Variants in APC observed in about 807,000 individuals in gnomAD.
The protein encoded by APC is adenomatous polyposis coli protein.
APC carries 72 observed loss-of-function variants against 247.0 expected under a neutral mutation model. The observed-to-expected ratio is 0.29, with a 90% CI of 0.24 to 0.35. The LOEUF (loss-of-function observed/expected upper bound fraction) is 0.35, where lower values mean the gene tolerates loss of function less well. APC is among the 10% of genes least tolerant of loss of function. The pLI, the probability that APC is intolerant of heterozygous loss-of-function variation, is 1.00. For missense variants in APC, 3,400 were observed against 3,360.7 expected (o/e 1.01, Z -0.29); for synonymous variants, 1,254 against 1,162.5 (o/e 1.08, Z -1.60).
At chr5:112,811,936 T>A (rs1762020475) in intron 8 of APC, among the ~76,000 whole-genome samples, 1 of 152,096 alleles carries the variant, frequency 6.6e-6, no homozygotes, top group Non-Finnish European at 1.5e-5. Flanking sequence ...CAGGGGAGGA[T>A]CTGCTTCTAA....
At chr5:112,717,352 ATTG>A (rs781729593) in intron 1 of APC, among the ~76,000 whole-genome samples, 2 of 151,780 alleles carry the variant, frequency 1.3e-5, no homozygotes, top group South Asian at 2.1e-4. Flanking sequence ...CTTCCTCATT[ATTG>A]TTGTTGTTAC....
intron 14 of APC, among the ~76,000 whole-genome samples, chr5:112,832,021 G>A (rs925968239): frequency 3.2e-4 from 48 of 152,118 alleles, no homozygotes; most frequent in African/African-American, 1.1e-3. Flanking sequence ...CTTGATCATA[G>A]AATCTAGATT....
intron 1 of APC, among the ~76,000 whole-genome samples, chr5:112,722,819 C>T (rs960138368): frequency 1.3e-5 from 2 of 152,124 alleles, no homozygotes; most frequent in African/African-American, 4.8e-5. Flanking sequence ...GGAACCTCCA[C>T]GTGTTCAGCT....
chr5:112,810,031 T>C (rs1761828459), intron 8 of APC: 2 of 395,602 alleles, frequency 5.1e-6, no homozygotes, highest in Admixed American at 3.2e-5. Context: ...TTTAGCTAAC[T>C]GTAAAGATGT....
In APC at chr5:112,819,055, A is replaced by G. The variant is rs774764623; in HGVS notation, c.1023A>G (p.Gln341=). The change falls in exon 10 of 16, where the codon CAA becomes CAG. Residue 341 remains glutamine, a synonymous_variant. Coordinates refer to ENST00000257430, the MANE Select transcript of APC (RefSeq NM_000038.6). ...SRTLLAMSSS[Q]DSCISMRQSG... is the part of the protein sequence containing the mutation. ...CTTTGCTAGCTATGTCTAGCTCCCA[A>G]GACAGCTGTATATCCATGCGACAGT... The G allele has an allele frequency of 2.5e-5, 41 of 1,613,988 alleles. No individual in the cohort carries two copies. The highest frequency in any genetic ancestry group is 3.3e-5 in the Admixed American group (2 of 59,980).
chr5:112,845,343 A>G lies in APC; in HGVS notation c.*1217A>G. ...GCATTGAGCATAATAGGCCCACATA[A>G]TTTCCTCTTTCTTAATATTATAGAA... is the stretch of plus-strand genomic sequence containing the variant. On this transcript the variant is annotated 3_prime_UTR_variant, in exon 16 of 16. Coordinates refer to ENST00000257430, the MANE Select transcript of APC (RefSeq NM_000038.6). The G allele has an allele frequency of 8.6e-6, 2 of 232,886 alleles. No homozygotes were observed. Among genetic ancestry groups the G allele is most frequent in the Non-Finnish European group, 1.7e-5 (2 of 117,568 alleles). The allele number at this position is 232,886 out of a possible 1,614,324, so 14.4% of individuals were successfully genotyped here.
At chr5:112,712,086 T>C (rs1296876974) in intron 1 of APC, among the ~76,000 whole-genome samples, 1 of 152,200 alleles carries the variant, frequency 6.6e-6, no homozygotes, top group Non-Finnish European at 1.5e-5. Context: ...GCTTAGCCAG[T>C]GGAGTGAATC....
chr5:112,772,355 T>C (rs375914129), intron 4 of APC, among the ~76,000 whole-genome samples: 54 of 152,348 alleles, frequency 3.5e-4, no homozygotes, highest in South Asian at 1.4e-3. Flanking sequence ...GCTATCATTT[T>C]AGCTGAAGAC....
chr5:112,712,768 C>G (rs896630454), intron 1 of APC, among the ~76,000 whole-genome samples: 1 of 152,218 alleles, frequency 6.6e-6, no homozygotes, highest in African/African-American at 2.4e-5. Context: ...GTCTTGAAAT[C>G]TTTCAGAAAT....
chr5:112,727,011 G>C (rs750548242), intron 1 of APC, among the ~76,000 whole-genome samples: 28 of 151,870 alleles, frequency 1.8e-4, no homozygotes, highest in Non-Finnish European at 1.6e-4. Context: ...TGCTTAAAAT[G>C]AGTCTATAAT....
intron 6 of APC, among the ~76,000 whole-genome samples, chr5:112,786,235 G>A (rs533792200): frequency 2.0e-5 from 3 of 151,510 alleles, no homozygotes; most frequent in East Asian, 1.9e-4. Flanking sequence ...GACTTTAGGC[G>A]TGTACATCGC....
rs145181563 is a variant in APC, at chr5:112,839,222, C to T, written c.3628C>T (p.His1210Tyr). The T allele has an allele frequency of 1.3e-5, 21 of 1,614,008 alleles. No homozygotes were observed. The highest frequency in any genetic ancestry group is 2.7e-5 in the African/African-American group (2 of 74,914). ...SSSGQSSKTE[H>Y]MSSSSENTST... Reference sequence around the variant, plus strand: ...ATCTGGACAAAGCAGTAAAACCGAACATATGTCTTCAAGCAGTGAGAATAC... The same window carrying T: ...ATCTGGACAAAGCAGTAAAACCGAATATATGTCTTCAAGCAGTGAGAATAC... Residue 1210 changes from histidine to tyrosine, a missense_variant, in exon 16 of 16, where the codon CAT (histidine) becomes TAT (tyrosine). Physicochemically the swap from His to Tyr is moderately conservative, Grantham distance 83. This residue lies in a region of APC where 715 missense variants were observed against 656.6 expected (regional missense o/e 1.09). Transcript: ENST00000257430. This position sits in a 1 kb window ranked among gnomAD's most constrained non-coding sequence, Gnocchi z 5.0.
chr5:112,722,970 T>A (rs1335672021), intron 1 of APC, among the ~76,000 whole-genome samples: 3 of 152,122 alleles, frequency 2.0e-5, no homozygotes, highest in Non-Finnish European at 4.4e-5. Context: ...TTCTGACTCT[T>A]CTTGGCCTCT....
intron 1 of APC, among the ~76,000 whole-genome samples, chr5:112,722,495 A>G (rs1216867800): frequency 6.6e-6 from 1 of 152,154 alleles, no homozygotes; most frequent in East Asian, 1.9e-4. Flanking sequence ...CATTTCCCAC[A>G]CTGTCTATCC....
At chr5:112,722,170 T>G (rs1751517169) in intron 1 of APC, among the ~76,000 whole-genome samples, 2 of 152,202 alleles carry the variant, frequency 1.3e-5, no homozygotes, top group Non-Finnish European at 2.9e-5. Flanking sequence ...GTTCGTTGAT[T>G]AATTTATTGT....
At chr5:112,794,226 A>C (rs1328281556) in intron 7 of APC, among the ~76,000 whole-genome samples, 1 of 151,784 alleles carries the variant, frequency 6.6e-6, no homozygotes, top group Non-Finnish European at 1.5e-5. Context: ...CGAGTAGCTC[A>C]TGTGCCACCA....
At chr5:112,767,465 T>A in intron 4 of APC, 75 bp downstream of exon 4, 1 of 1,253,994 alleles carries the variant, frequency 8.0e-7, no homozygotes, top group Non-Finnish European at 1.1e-6. Context: ...AATATTTAAA[T>A]TGTGAATTTA....
Position 112,775,086 on chromosome 5 carries a change from C to T in APC, c.423-543C>T, listed in dbSNP as rs574410700. 3.0e-4 allele frequency among the ~76,000 whole-genome samples: 45 copies of T among 152,272 alleles called. 2 individuals are homozygous for T. The South Asian group carries it at 9.3e-3, about 32-fold the overall frequency. ...TACAGATTGCTATGGAGAACACCAT[C>T]ATTTGGTGTTCAGATTCCAAACTAA... On this transcript the variant is annotated intron_variant, in intron 4 of 15. Transcript: ENST00000257430.
rs1490241563 is a variant in APC at position 112,840,975 on chromosome 5, A to T, written c.5381A>T (p.Asp1794Val). ...AGGACACGTGTAAGAAAAAATGCAGACTCAAAAAATAATTTAAATGCTGAG... is the reference window on the plus strand; with the variant it reads ...AGGACACGTGTAAGAAAAAATGCAGTCTCAAAAAATAATTTAAATGCTGAG... ...EYRTRVRKNA[D>V]SKNNLNAERV... is the part of the protein sequence containing the mutation. The change falls in exon 16 of 16, where the codon GAC becomes GTC. Residue 1794 changes from aspartate (D) to valine (V), a missense_variant. Physicochemically the swap from Asp to Val is radical, Grantham distance 152. Coordinates refer to ENST00000257430, the MANE Select transcript of APC (RefSeq NM_000038.6). This position sits in a 1 kb window ranked among gnomAD's most constrained non-coding sequence, Gnocchi z 4.1. 13 of 1,612,658 alleles carry T rather than the reference A, an allele frequency of 8.1e-6. No homozygotes were observed. Among genetic ancestry groups the T allele is most frequent in the Non-Finnish European group, 1.1e-5 (13 of 1,179,226 alleles).
Sources: allele counts gnomAD v4.1 joint callset (sites outside exome capture counted in the v4.1 genomes callset), GRCh38; gene constraint gnomAD v4.1.1; regional missense constraint gnomAD v4.1.1; non-coding constraint Gnocchi (gnomAD v3.1); transcripts MANE v1.5; gene names NCBI Gene and HGNC (gene_info 2026-07-23, HGNC 2026-07-21).